Variants in RAP1A observed in about 807,000 individuals in gnomAD.
The protein encoded by RAP1A is ras-related protein Rap-1A.
Under a neutral mutation model 26.4 loss-of-function variants are expected in RAP1A, and 6 were observed. The ratio of observed to expected loss-of-function variants is 0.23; its 90% confidence interval spans 0.12 to 0.45. The LOEUF (loss-of-function observed/expected upper bound fraction) is 0.45, where lower values mean the gene tolerates loss of function less well. RAP1A is among the 20% of genes least tolerant of loss of function. The pLI, the probability that RAP1A is intolerant of heterozygous loss-of-function variation, is 0.99. For synonymous variants in RAP1A, 73 were observed against 79.4 expected (o/e 0.92, Z 0.43); for missense variants, 121 against 217.2 (o/e 0.56, Z 2.78).
chr1:111,654,023 C>T (rs1323677069), intron 1 of RAP1A, among the ~76,000 whole-genome samples: 2 of 152,182 alleles, frequency 1.3e-5, no homozygotes, highest in Admixed American at 6.5e-5. Flanking sequence ...GGCTTCTAAA[C>T]TGGCATATTA....
At chr1:111,567,867 G>C (rs1657958731) in intron 1 of RAP1A, among the ~76,000 whole-genome samples, 1 of 152,190 alleles carries the variant, frequency 6.6e-6, no homozygotes, top group African/African-American at 2.4e-5. Context: ...TGGTCATCCA[G>C]CCTCCAGAAC....
At chr1:111,634,479 AC>A (rs1274288534) in intron 1 of RAP1A, among the ~76,000 whole-genome samples, 1 of 150,660 alleles carries the variant, frequency 6.6e-6, no homozygotes, top group Non-Finnish European at 1.5e-5. Flanking sequence ...ACACCAAAAG[AC>A]CTAGATTATT....
At chr1:111,576,948 G>C (rs2101058329) in intron 1 of RAP1A, among the ~76,000 whole-genome samples, 1 of 152,306 alleles carries the variant, frequency 6.6e-6, no homozygotes, top group South Asian at 2.1e-4. Context: ...TATGCTCCAA[G>C]ATGTGGTCCC....
At chr1:111,586,158 T>C (rs891634462) in intron 1 of RAP1A, among the ~76,000 whole-genome samples, 3 of 152,210 alleles carry the variant, frequency 2.0e-5, no homozygotes, top group Non-Finnish European at 4.4e-5. Flanking sequence ...CATGCCCCAC[T>C]ATGTTCATGC....
At chr1:111,577,908 A>C (rs1658177884) in intron 1 of RAP1A, among the ~76,000 whole-genome samples, 1 of 152,194 alleles carries the variant, frequency 6.6e-6, no homozygotes, top group Non-Finnish European at 1.5e-5. Flanking sequence ...CTGTTAGAGA[A>C]TATTTAATTG....
intron 1 of RAP1A, among the ~76,000 whole-genome samples, chr1:111,598,516 C>A (rs1039728915): frequency 6.6e-6 from 1 of 151,976 alleles, no homozygotes; most frequent in Non-Finnish European, 1.5e-5. Context: ...CTTTTAAGCA[C>A]CTTCTATTAC....
intron 1 of RAP1A, among the ~76,000 whole-genome samples, chr1:111,567,833 C>A (rs992017143): frequency 6.6e-6 from 1 of 152,212 alleles, no homozygotes; most frequent in Non-Finnish European, 1.5e-5. Flanking sequence ...TCACCAGAAA[C>A]CAAATTTTCT....
intron 1 of RAP1A, among the ~76,000 whole-genome samples, chr1:111,676,125 G>A (rs1438099351): frequency 1.3e-5 from 2 of 152,172 alleles, no homozygotes; most frequent in African/African-American, 4.8e-5. Context: ...GGGAGGCTGA[G>A]GACAGGCGGA....
At chr1:111,613,177 T>A (rs1265032223) in intron 1 of RAP1A, among the ~76,000 whole-genome samples, 2 of 151,340 alleles carry the variant, frequency 1.3e-5, no homozygotes, top group Non-Finnish European at 2.9e-5. Flanking sequence ...AAGTTTTAAA[T>A]CTGTTGCAAG....
At chr1:111,702,589 CAG>C (rs1344539439) in intron 4 of RAP1A, among the ~76,000 whole-genome samples, 3 of 148,180 alleles carry the variant, frequency 2.0e-5, no homozygotes, top group African/African-American at 7.5e-5. Context: ...TTTTCCGAGA[CAG>C]AGTTTCACTC....
chr1:111,570,683 T>C (rs1658032043), intron 1 of RAP1A, among the ~76,000 whole-genome samples: 1 of 152,196 alleles, frequency 6.6e-6, no homozygotes, highest in Non-Finnish European at 1.5e-5. Flanking sequence ...GTTTTTGTGC[T>C]GTCATAACAT....
intron 1 of RAP1A, among the ~76,000 whole-genome samples, chr1:111,636,484 T>A (rs1299725828): frequency 7.0e-6 from 1 of 142,538 alleles, no homozygotes; most frequent in African/African-American, 2.5e-5. Context: ...GAAAGGTAAA[T>A]TTTTTTTTTT....
intron 1 of RAP1A, among the ~76,000 whole-genome samples, chr1:111,670,761 A>T (rs1660947928): frequency 6.6e-6 from 1 of 152,212 alleles, no homozygotes; most frequent in Non-Finnish European, 1.5e-5. Flanking sequence ...GATGTGGCAG[A>T]TTTTTATAAA....
At chr1:111,552,333 G>A (rs1010457040) in intron 1 of RAP1A, among the ~76,000 whole-genome samples, 1 of 152,114 alleles carries the variant, frequency 6.6e-6, no homozygotes, top group Non-Finnish European at 1.5e-5. Flanking sequence ...AGCTAGAGAT[G>A]GAACGAAGGC....
intron 1 of RAP1A, among the ~76,000 whole-genome samples, chr1:111,613,220 G>GA (rs1454974631): frequency 6.8e-6 from 1 of 147,560 alleles, no homozygotes; most frequent in African/African-American, 2.5e-5. Flanking sequence ...TTTTTTTTGA[G>GA]ACGGAGTCTT....
chr1:111,683,164 A>C lies in RAP1A; in HGVS notation c.-27-8170A>C, dbSNP rs185962631. Among the ~76,000 whole-genome samples the C allele has an allele frequency of 5.9e-3, 895 of 152,318 alleles. 4 individuals are homozygous for C. Among genetic ancestry groups the C allele is most frequent in the Non-Finnish European group, 7.1e-3 (483 of 68,026 alleles). ...TACCAGAATCTCTGGGACACAGCTA[A>C]AGCAGTGTTTTGAGGGAAATTTATA... On this transcript the variant is annotated intron_variant, in intron 1 of 7. Transcript: ENST00000369709.
chr1:111,591,812 G>C (rs1016959597), intron 1 of RAP1A, among the ~76,000 whole-genome samples: 2 of 152,136 alleles, frequency 1.3e-5, no homozygotes, highest in African/African-American at 4.8e-5. Context: ...CAGTAAAATG[G>C]TTTGCACATA....
intron 1 of RAP1A, among the ~76,000 whole-genome samples, chr1:111,571,332 T>C (rs1325298820): frequency 6.6e-6 from 1 of 152,178 alleles, no homozygotes; most frequent in Non-Finnish European, 1.5e-5. Flanking sequence ...CTGGGTCCCA[T>C]TGTTCAAGAC....
intron 1 of RAP1A, among the ~76,000 whole-genome samples, chr1:111,645,096 T>TTA (rs1557876111): frequency 6.6e-6 from 1 of 152,186 alleles, no homozygotes; most frequent in Non-Finnish European, 1.5e-5. Flanking sequence ...GAGGGTCTTA[T>TTA]TAACACAGTG....
Sources: gnomAD v4.1 joint callset for allele counts (sites outside exome capture counted in the v4.1 genomes callset) on GRCh38, gnomAD v4.1.1 for gene constraint, MANE v1.5 for transcripts, NCBI Gene and HGNC (gene_info 2026-07-23, HGNC 2026-07-21) for gene names.